Variants in FIS1 observed in about 807,000 individuals in gnomAD.
The protein encoded by FIS1 is fission, mitochondrial 1.
A neutral mutation model predicts 21.6 loss-of-function variants in FIS1; 16 were observed. The observed-to-expected ratio is 0.74, with a 90% CI of 0.50 to 1.12. The LOEUF is 1.12. FIS1 is among the 50% of genes most tolerant of loss of function. FIS1 has a pLI of 0.00. For synonymous variants in FIS1, 92 were observed against 82.2 expected (o/e 1.12, Z -0.65); for missense variants, 198 against 190.9 (o/e 1.04, Z -0.22).
At chr7:101,240,997 G>T in intron 2 of FIS1, 91 bp from the exon 3 acceptor site, 1 of 1,269,400 alleles carries the variant, frequency 7.9e-7, no homozygotes, top group Non-Finnish European at 1.1e-6. Flanking sequence ...CTCTCTGAAT[G>T]CCTCTGTGAT....
chr7:101,239,886 C>T lies in FIS1; in HGVS notation c.379G>A (p.Ala127Thr), dbSNP rs1209548924. The T allele has an allele frequency of 6.2e-7, 1 of 1,606,840 alleles. No homozygotes were observed. The highest frequency in any genetic ancestry group is 8.5e-7 in the Non-Finnish European group (1 of 1,176,734). Residue 127 changes from alanine (A) to threonine (T), a missense_variant, in exon 5 of 5, where the codon GCC becomes ACC. Transcript: ENST00000223136. ...AMKKDGLVGMAIVGGMALGVA... is the reference protein window; with the variant it reads ...AMKKDGLVGMTIVGGMALGVA... ...CCCAGGGCCATGCCTCCCACGATGG[C>T]CATGCCCACGAGTCCATCTGGGGAA...
chr7:101,243,958 C>G, intron 2 of FIS1, 49 bp downstream of exon 2: 1 of 1,573,360 alleles, frequency 6.4e-7, no homozygotes. Flanking sequence ...GGGCCCACAT[C>G]GCAGAGCAGC....
chr7:101,244,013 G>T lies in FIS1; in HGVS notation c.172C>A (p.Leu58Ile). The T allele has an allele frequency of 1.2e-6, 2 of 1,612,938 alleles. No individual in the cohort carries two copies. The highest frequency in any genetic ancestry group is 1.7e-6 in the Non-Finnish European group (2 of 1,179,622). The change falls in exon 2 of 5, where the codon CTC becomes ATC. Residue 58 changes from leucine (L) to isoleucine (I), a missense_variant. Coordinates refer to ENST00000223136, the MANE Select transcript of FIS1 (RefSeq NM_016068.3). ...NDDIRKGIVLLEELLPKGSKE... is the reference protein window; with the variant it reads ...NDDIRKGIVLIEELLPKGSKE... ...GGAGAGTACAGCGCCTCACCCTCGA[G>T]CAGCACGATGCCTTTACGGATGTCA... is the stretch of plus-strand genomic sequence containing the variant.
chr7:101,243,672 A>C (rs1453949990), intron 2 of FIS1, among the ~76,000 whole-genome samples: 1 of 152,206 alleles, frequency 6.6e-6, no homozygotes, highest in East Asian at 1.9e-4. Context: ...AATAGCTGCT[A>C]AGCAACACGG....
At chr7:101,240,704 C>G (rs2116847778) in intron 3 of FIS1, 126 bp downstream of exon 3, 1 of 883,012 alleles carries the variant, frequency 1.1e-6, no homozygotes, top group African/African-American at 1.6e-5. Context: ...GAGTCCTCAT[C>G]TGACACCGCT....
rs774867698 is a variant in FIS1 at position 101,240,864 on chromosome 7, A to C, written c.221T>G (p.Val74Gly). ...GTAGTTCCCCACGGCCAGGTAGAAG[A>C]CGTAATCCCGCTGTTCCTCCTTGCT... ...KGSKEEQRDY[V>G]FYLAVGNYRL... Residue 74 changes from valine to glycine, a missense_variant, in exon 3 of 5, where the codon GTC becomes GGC. Val to Gly is a moderately radical substitution (Grantham distance 109). Coordinates refer to ENST00000223136, the MANE Select transcript of FIS1 (RefSeq NM_016068.3). The C allele has an allele frequency of 1.9e-6, 3 of 1,614,082 alleles. No homozygotes were observed. In the Admixed American group the frequency reaches 5.0e-5, roughly 27 times the overall value.
At position 101,240,813 on chromosome 7, in the gene FIS1, C is replaced by T. The variant is rs374953576; in HGVS notation, c.255+17G>A. ...CAGCCCCAGAGGAGGGTGAAGGGAA[C>T]GGGGTCCCCACCTCACCTTGAGCCG... On this transcript the variant is annotated intron_variant, in intron 3 of 4. Transcript: ENST00000223136. 748 of 1,612,620 alleles carry T rather than the reference C, an allele frequency of 4.6e-4. No individual in the cohort carries two copies. The highest frequency in any genetic ancestry group is 6.0e-4 in the Non-Finnish European group (712 of 1,179,420).
intron 1 of FIS1, among the ~76,000 whole-genome samples, 188 bp from the exon 2 acceptor site, chr7:101,244,327 G>A (rs1233195093): frequency 6.6e-6 from 1 of 152,132 alleles, no homozygotes; most frequent in African/African-American, 2.4e-5. Context: ...CAGCTCTTGG[G>A]ACAGAGGCCC....
rs747389687 is a variant in FIS1, at chr7:101,244,062, G to A, written c.123C>T (p.Cys41=). ...CATCATTGTACTTGCTCCGCACCAGGCACCAGGCGTACTCAAACTGCGTGC... is the reference window on the plus strand; with the variant it reads ...CATCATTGTACTTGCTCCGCACCAGACACCAGGCGTACTCAAACTGCGTGC... ...SKSTQFEYAW[C]LVRSKYNDDI... is the part of the protein sequence containing the mutation. Residue 41 remains cysteine, a synonymous_variant, in exon 2 of 5, where the codon TGC becomes TGT. Transcript: ENST00000223136. 5 of 1,613,832 alleles carry A rather than the reference G, an allele frequency of 3.1e-6. No individual in the cohort carries two copies. In the Admixed American group the frequency reaches 8.3e-5, roughly 27 times the overall value.
intron 2 of FIS1, among the ~76,000 whole-genome samples, chr7:101,243,368 G>A (rs948402727): frequency 5.3e-5 from 8 of 152,196 alleles, no homozygotes; most frequent in Non-Finnish European, 8.8e-5. Context: ...CTGAGGTCAG[G>A]AGTTAGAGAC....
chr7:101,244,099 G>A lies in FIS1; in HGVS notation c.86C>T (p.Ser29Leu), dbSNP rs759369132. The A allele has an allele frequency of 4.3e-6, 7 of 1,613,926 alleles. No individual in the cohort carries two copies. The highest frequency in any genetic ancestry group is 2.2e-5 in the East Asian group (1 of 44,880). Reference sequence around the variant, plus strand: ...CTCAAACTGCGTGCTCTTGGACACCGAGCCTGCTGCCTTCTCAGACTGAAA... The same window carrying A: ...CTCAAACTGCGTGCTCTTGGACACCAAGCCTGCTGCCTTCTCAGACTGAAA... ...KKFQSEKAAG[S>L]VSKSTQFEYA... The change falls in exon 2 of 5, where the codon TCG becomes TTG. Residue 29 changes from serine to leucine, a missense_variant. By Grantham distance (145) the Ser-to-Leu change is moderately radical. Transcript: ENST00000223136.
chr7:101,244,158 G>A lies in FIS1; in HGVS notation c.46-19C>T. The A allele has an allele frequency of 6.2e-7, 1 of 1,610,682 alleles. No individual in the cohort carries two copies. The highest frequency in any genetic ancestry group is 1.1e-5 in the South Asian group (1 of 90,736). On this transcript the variant is annotated intron_variant, in intron 1 of 4. Transcript: ENST00000223136. The stretch of plus-strand genomic sequence containing the variant: ...CAAACTTCTGCCACAGGGGAGGAAA[G>A]GAATCATTTAGAAATGTAGGGCGTC...
chr7:101,241,618 C>T (rs1458761817), intron 2 of FIS1: 1 of 150,120 alleles, frequency 6.7e-6, no homozygotes, highest in Non-Finnish European at 1.5e-5. Flanking sequence ...GAAGACCCCA[C>T]CTGACTTTGT....
intron 1 of FIS1, 65 bp downstream of exon 1, chr7:101,244,895 T>A (rs781537431): frequency 3.1e-6 from 5 of 1,594,138 alleles, no homozygotes; most frequent in African/African-American, 1.3e-5. Context: ...GTTCGGCCCC[T>A]ACCTGACTCT....
At chr7:101,242,133 G>A (rs1483818384) in intron 2 of FIS1, among the ~76,000 whole-genome samples, 2 of 152,200 alleles carry the variant, frequency 1.3e-5, no homozygotes, top group South Asian at 2.1e-4. Flanking sequence ...ACACAGACAG[G>A]CCAGGTGGTC....
At chr7:101,244,687 C>T in intron 1 of FIS1, 1 of 553,102 alleles carries the variant, frequency 1.8e-6, no homozygotes, top group South Asian at 2.3e-5. Flanking sequence ...GCTCACAGCT[C>T]CTGCATGATC....
chr7:101,244,052 T>G lies in FIS1; in HGVS notation c.133A>C (p.Ser45Arg), dbSNP rs1798782273. The change falls in exon 2 of 5, where the codon AGC becomes CGC. Residue 45 changes from serine (S) to arginine (R), a missense_variant. Ser to Arg is a moderately radical substitution (Grantham distance 110). Coordinates refer to ENST00000223136, the MANE Select transcript of FIS1 (RefSeq NM_016068.3). ...QFEYAWCLVR[S>R]KYNDDIRKGI... ...TTACGGATGTCATCATTGTACTTGC[T>G]CCGCACCAGGCACCAGGCGTACTCA... 6.2e-7 allele frequency: 1 copy of G among 1,613,910 alleles called. No individual in the cohort carries two copies. The highest frequency in any genetic ancestry group is 1.3e-5 in the African/African-American group (1 of 74,922).
chr7:101,244,685 C>G (rs1562909170), intron 1 of FIS1: 1 of 552,776 alleles, frequency 1.8e-6, no homozygotes, highest in Non-Finnish European at 3.2e-6. Context: ...GAGCTCACAG[C>G]TCCTGCATGA....
chr7:101,242,848 T>C (rs1798766888), intron 2 of FIS1, among the ~76,000 whole-genome samples: 1 of 151,982 alleles, frequency 6.6e-6, no homozygotes, highest in South Asian at 2.1e-4. Context: ...TATTCATAGA[T>C]TCAACGAACC....
Sources: gnomAD v4.1 joint callset for allele counts (sites outside exome capture counted in the v4.1 genomes callset) on GRCh38, gnomAD v4.1.1 for gene constraint, MANE v1.5 for transcripts, NCBI Gene and HGNC (gene_info 2026-07-23, HGNC 2026-07-21) for gene names.